The following SIK2 variants were observed in gnomAD, a reference collection of about 807,000 sequenced individuals.
SIK2 encodes serine/threonine-protein kinase SIK2.
SIK2 carries 29 observed loss-of-function variants against 103.2 expected under a neutral mutation model. That is an observed-to-expected ratio of 0.28 (90% CI 0.21 to 0.38). The LOEUF (loss-of-function observed/expected upper bound fraction) is 0.38, where lower values mean the gene tolerates loss of function less well. Among genes scored for constraint, SIK2 ranks in the 10% least tolerant of loss-of-function variants. The pLI is 1.00. For missense variants in SIK2, 879 were observed against 1,171.0 expected (o/e 0.75, Z 3.64); for synonymous variants, 412 against 446.1 (o/e 0.92, Z 0.96).
chr11:111,664,319 A>AT (rs1300182750), intron 3 of SIK2, among the ~76,000 whole-genome samples: 1 of 152,142 alleles, frequency 6.6e-6, no homozygotes, highest in Non-Finnish European at 1.5e-5. Context: ...GTGGGAGAGC[A>AT]TGAAATAAGA....
chr11:111,692,364 A>C (rs915471421), intron 4 of SIK2, among the ~76,000 whole-genome samples: 1 of 119,450 alleles, frequency 8.4e-6, no homozygotes, highest in African/African-American at 3.9e-5. Flanking sequence ...AAAAAAAAAA[A>C]AAAAAAAAAA....
intron 3 of SIK2, among the ~76,000 whole-genome samples, chr11:111,684,048 A>G (rs1942812108): frequency 6.6e-6 from 1 of 152,162 alleles, no homozygotes; most frequent in Admixed American, 6.5e-5. Context: ...CACTTCTCTA[A>G]ATAGTTTGTC....
In SIK2 at chr11:111,602,741, G is replaced by A. The variant is rs1436805833; in HGVS notation, c.135+43G>A. ...GCGGGAGCGTCCGAGGCGAGGGTTC[G>A]GGAGAGGAGCTGCTTACCGAGAGGG... On this transcript the variant is annotated intron_variant, in intron 1 of 14. Transcript: ENST00000304987. This position sits in a 1 kb window ranked among gnomAD's most constrained non-coding sequence, Gnocchi z 4.5. 1.4e-6 allele frequency: 2 copies of A among 1,464,694 alleles called. No homozygotes were observed. Among genetic ancestry groups the A allele is most frequent in the Admixed American group, 4.7e-5 (2 of 42,410 alleles). The allele number at this position is 1,464,694 out of a possible 1,614,324, so 90.7% of individuals were successfully genotyped here.
In SIK2 at chr11:111,620,329, T is replaced by A; in HGVS notation, c.253-10T>A. ...TTCTGTCAGACTAATATGGAATTAT[T>A]TATCAATAGGTAATGGAGACCAAAA... On this transcript the variant is annotated splice_polypyrimidine_tract_variant and intron_variant, in intron 2 of 14. Transcript: ENST00000304987. 6.5e-7 allele frequency: 1 copy of A among 1,542,322 alleles called. No homozygotes were observed. Among genetic ancestry groups the A allele is most frequent in the Non-Finnish European group, 8.8e-7 (1 of 1,131,952 alleles).
At position 111,667,531 on chromosome 11, in the gene SIK2, G is replaced by A. The variant is rs145265154; in HGVS notation, c.317-20470G>A. Among the ~76,000 whole-genome samples, 737 of 133,164 alleles carry A rather than the reference G, an allele frequency of 5.5e-3. 9 individuals are homozygous for A. Among genetic ancestry groups the A allele is most frequent in the African/African-American group, 0.019 (681 of 35,934 alleles). 87.4% of individuals were successfully genotyped at this position (133,164 alleles called of 152,430 possible). A position where few individuals can be genotyped will look rare whatever the true frequency, so the allele number is the denominator to read the frequency against. ...TTTTGAGTCAGGGTCTCACTCTGTC[G>A]CCCAGGCTGGAGTGCGGTGGCACAA... On this transcript the variant is annotated intron_variant, in intron 3 of 14. Coordinates refer to ENST00000304987, the MANE Select transcript of SIK2 (RefSeq NM_015191.3).
At chr11:111,671,977 A>G (rs982997711) in intron 3 of SIK2, 19 of 515,274 alleles carry the variant, frequency 3.7e-5, no homozygotes, top group Non-Finnish European at 6.5e-5. Context: ...CATCTCATCC[A>G]TGTTGCTCCC....
chr11:111,626,697 T>C (rs1200522169), intron 3 of SIK2, among the ~76,000 whole-genome samples: 1 of 122,286 alleles, frequency 8.2e-6, no homozygotes, highest in African/African-American at 3.0e-5. Context: ...TTTCTAGTAA[T>C]GACCATTAAC....
rs1942859130 is a variant in SIK2 at position 111,687,342 on chromosome 11, C to T, written c.317-659C>T. 2.0e-5 allele frequency among the ~76,000 whole-genome samples: 3 copies of T among 151,552 alleles called. No individual in the cohort carries two copies. The South Asian group carries it at 6.3e-4, about 32-fold the overall frequency. ...CCAGCCTGGCCAACGTGATGAAACC[C>T]CATCTATACTAAAAATACAAAAATT... On this transcript the variant is annotated intron_variant, in intron 3 of 14. Coordinates refer to ENST00000304987, the MANE Select transcript of SIK2 (RefSeq NM_015191.3).
At chr11:111,717,303 G>A (rs951768295) in intron 9 of SIK2, among the ~76,000 whole-genome samples, 1 of 115,576 alleles carries the variant, frequency 8.7e-6, no homozygotes. Flanking sequence ...GGGCGACAGA[G>A]CGAGACTCCG....
intron 3 of SIK2, among the ~76,000 whole-genome samples, chr11:111,622,422 AT>A (rs1457233922): frequency 2.0e-5 from 3 of 151,300 alleles, no homozygotes; most frequent in African/African-American, 7.3e-5. Context: ...CACCCGGCTA[AT>A]TTTTTGTATT....
chr11:111,703,651 A>G (rs1460725918), intron 7 of SIK2, among the ~76,000 whole-genome samples: 2 of 152,248 alleles, frequency 1.3e-5, no homozygotes, highest in Non-Finnish European at 2.9e-5. Flanking sequence ...GCATTTATAA[A>G]AGACTCAGAA....
rs576650865 is a variant in SIK2, at chr11:111,722,189, G to A, written c.2055+249G>A. 2.0e-5 allele frequency among the ~76,000 whole-genome samples: 3 copies of A among 152,300 alleles called. No individual in the cohort carries two copies. Among genetic ancestry groups the A allele is most frequent in the Non-Finnish European group, 2.9e-5 (2 of 68,008 alleles). On this transcript the variant is annotated intron_variant, in intron 13 of 14. Transcript: ENST00000304987. This position sits in a 1 kb window ranked among gnomAD's most constrained non-coding sequence, Gnocchi z 4.4. Reference sequence around the variant, plus strand: ...GGATATGCCACTGAGGGGTGGGAACGGGAGACCTGGCTTCTTTCTTTCTAA... The same window carrying A: ...GGATATGCCACTGAGGGGTGGGAACAGGAGACCTGGCTTCTTTCTTTCTAA...
chr11:111,694,507 G>A (rs150542110), intron 4 of SIK2, among the ~76,000 whole-genome samples: 16 of 152,182 alleles, frequency 1.1e-4, no homozygotes, highest in African/African-American at 2.6e-4. Context: ...AGATGACCTT[G>A]AGTCAAGGTT....
rs1234444958 is a variant in SIK2, at chr11:111,725,471, C to T, written c.*1342C>T. On this transcript the variant is annotated 3_prime_UTR_variant, in exon 15 of 15. Coordinates refer to ENST00000304987, the MANE Select transcript of SIK2 (RefSeq NM_015191.3). Reference sequence around the variant, plus strand: ...CAAAGTAAGTAAAAATTAGATGCTACAGCTAGCTAACTGTATCCCTAGAAA... The same window carrying T: ...CAAAGTAAGTAAAAATTAGATGCTATAGCTAGCTAACTGTATCCCTAGAAA... The T allele has an allele frequency of 6.6e-6, 1 of 152,522 alleles. No homozygotes were observed. The highest frequency in any genetic ancestry group is 2.4e-5 in the African/African-American group (1 of 41,460). 9.4% of individuals were successfully genotyped at this position (152,522 alleles called of 1,614,324 possible).
At chr11:111,617,156 A>G (rs1416193101) in intron 2 of SIK2, among the ~76,000 whole-genome samples, 1 of 151,842 alleles carries the variant, frequency 6.6e-6, no homozygotes, top group East Asian at 1.9e-4. Context: ...ATTGTTTTTC[A>G]TTGTTTTTTA....
At chr11:111,665,997 A>C (rs17113154) in intron 3 of SIK2, among the ~76,000 whole-genome samples, 4,298 of 152,304 alleles carry the variant, frequency 0.028, 205 homozygotes, top group African/African-American at 0.097. Flanking sequence ...CAGGCAGTAG[A>C]CGCTTTACAA....
chr11:111,720,888 C>G lies in SIK2; in HGVS notation c.1781-11C>G. 6.2e-7 allele frequency: 1 copy of G among 1,612,524 alleles called. No homozygotes were observed. Among genetic ancestry groups the G allele is most frequent in the Non-Finnish European group, 8.5e-7 (1 of 1,179,372 alleles). On this transcript the variant is annotated splice_polypyrimidine_tract_variant and intron_variant, in intron 11 of 14. Coordinates refer to ENST00000304987, the MANE Select transcript of SIK2 (RefSeq NM_015191.3). ...TTAGTTAAACTGTTTGGTCTTGGTG[C>G]TTTCTTTCAGGAATTGTAGCATTTA...
chr11:111,628,170 G>A (rs775417824), intron 3 of SIK2, among the ~76,000 whole-genome samples: 12 of 152,110 alleles, frequency 7.9e-5, no homozygotes, highest in South Asian at 2.1e-4. Context: ...AATATTATCC[G>A]TAGGTATGGA....
In SIK2 at chr11:111,726,801, A is replaced by T. The variant is rs1943982009; in HGVS notation, c.*2672A>T. 4 of 629,906 alleles carry T rather than the reference A, an allele frequency of 6.4e-6. No homozygotes were observed. The highest frequency in any genetic ancestry group is 1.1e-5 in the Non-Finnish European group (4 of 353,322). 39.0% of individuals were successfully genotyped at this position (629,906 alleles called of 1,614,324 possible). ...CTTGCTTTCCAGTCTGATTCACGTTAGCAGTGTGTACACTACTGTATCATC... is the reference window on the plus strand; with the variant it reads ...CTTGCTTTCCAGTCTGATTCACGTTTGCAGTGTGTACACTACTGTATCATC... On this transcript the variant is annotated 3_prime_UTR_variant, in exon 15 of 15. Transcript: ENST00000304987.
Sources: gnomAD v4.1 joint callset for allele counts (sites outside exome capture counted in the v4.1 genomes callset) on GRCh38, gnomAD v4.1.1 for gene constraint, Gnocchi (gnomAD v3.1) non-coding constraint, MANE v1.5 for transcripts, NCBI Gene and HGNC (gene_info 2026-07-23, HGNC 2026-07-21) for gene names.